The following UBALD1 variants were observed in gnomAD, a reference collection of about 807,000 sequenced individuals.
UBALD1 encodes UBA-like domain-containing protein 1.
A neutral mutation model predicts 16.1 loss-of-function variants in UBALD1; 5 were observed. The observed-to-expected ratio is 0.31, with a 90% CI of 0.16 to 0.66. The LOEUF is 0.66. UBALD1 is among the 30% of genes least tolerant of loss of function. UBALD1 has a pLI of 0.77. For synonymous variants in UBALD1, 146 were observed against 105.3 expected (o/e 1.39, Z -2.37); for missense variants, 220 against 252.8 (o/e 0.87, Z 0.88).
chr16:4,610,205 G>A (rs762097432), intron 2 of UBALD1: 1 of 711,860 alleles, frequency 1.4e-6, no homozygotes, highest in East Asian at 2.7e-5. Context: ...GGGCCACGAG[G>A]CTTTCCCAGC....
chr16:4,612,305 G>A (rs991979553), intron 1 of UBALD1, among the ~76,000 whole-genome samples: 39 of 152,076 alleles, frequency 2.6e-4, no homozygotes, highest in African/African-American at 9.2e-4. Flanking sequence ...CTCATGATCC[G>A]CCCACCTTGG....
chr16:4,614,521 G>A lies in UBALD1; in HGVS notation c.120+157C>T, dbSNP rs1481623999. On this transcript the variant is annotated intron_variant, in intron 1 of 2. Transcript: ENST00000283474. ...CGCCCGCCGCGAGCCCTTGGGATCCGGACGCCGGGCACCGCCGTCGGGAAA... is the reference window on the plus strand; with the variant it reads ...CGCCCGCCGCGAGCCCTTGGGATCCAGACGCCGGGCACCGCCGTCGGGAAA... 4.0e-6 allele frequency: 5 copies of A among 1,245,198 alleles called. No individual in the cohort carries two copies. The Admixed American group carries it at 1.2e-4, about 29-fold the overall frequency. The allele number at this position is 1,245,198 out of a possible 1,614,324, so 77.1% of individuals were successfully genotyped here.
intron 1 of UBALD1, among the ~76,000 whole-genome samples, chr16:4,613,506 T>C (rs1302911664): frequency 6.6e-6 from 1 of 151,988 alleles, no homozygotes; most frequent in Non-Finnish European, 1.5e-5. Flanking sequence ...CCCCCTGCAG[T>C]CCCCAGGAAG....
In UBALD1 at chr16:4,609,577, C is replaced by T. The variant is rs746291942; in HGVS notation, c.*56G>A. 1.9e-5 allele frequency: 15 copies of T among 772,812 alleles called. No individual in the cohort carries two copies. Among genetic ancestry groups the T allele is most frequent in the East Asian group, 3.0e-5 (1 of 33,622 alleles). 47.9% of individuals were successfully genotyped at this position (772,812 alleles called of 1,614,324 possible). ...AAGGGGTGAAGGGGGCCCGCAGAGACGTCCTCTCCCCCGCCCCACGGGGTC... is the reference window on the plus strand; with the variant it reads ...AAGGGGTGAAGGGGGCCCGCAGAGATGTCCTCTCCCCCGCCCCACGGGGTC... On this transcript the variant is annotated 3_prime_UTR_variant, in exon 3 of 3. Transcript: ENST00000283474.
intron 1 of UBALD1, among the ~76,000 whole-genome samples, chr16:4,611,742 G>C (rs1281578357): frequency 6.6e-6 from 1 of 152,232 alleles, no homozygotes; most frequent in Non-Finnish European, 1.5e-5. Context: ...AGGAGCCCCA[G>C]AGGGAGGCGC....
rs1897337889 is a variant in UBALD1 at position 4,609,963 on chromosome 16, G to A, written c.204C>T (p.Thr68=). The A allele has an allele frequency of 6.3e-7, 1 of 1,593,196 alleles. No individual in the cohort carries two copies. The highest frequency in any genetic ancestry group is 8.6e-7 in the Non-Finnish European group (1 of 1,169,106). Residue 68 remains threonine, a synonymous_variant, in exon 3 of 3, where the codon ACC becomes ACT. Transcript: ENST00000283474. ...HHQMMCTPAN[T]PATPPNFPDA... ...CAGGGAAGTTGGGGGGTGTAGCAGG[G>A]GTATTGGCGGGGGTGCACATCTGTG...
At chr16:4,610,380 G>T in intron 2 of UBALD1, 113 bp downstream of exon 2, 1 of 1,192,880 alleles carries the variant, frequency 8.4e-7, no homozygotes, top group Non-Finnish European at 1.2e-6. Context: ...CAAAGAGGTC[G>T]AGCCCCGCCT....
intron 1 of UBALD1, among the ~76,000 whole-genome samples, chr16:4,613,393 C>T (rs965080142): frequency 1.3e-5 from 2 of 152,166 alleles, no homozygotes; most frequent in Non-Finnish European, 2.9e-5. Flanking sequence ...GTGGCCTCCG[C>T]GACGGCTGGT....
intron 1 of UBALD1, chr16:4,611,230 C>G (rs935340297): frequency 6.5e-6 from 1 of 152,854 alleles, no homozygotes; most frequent in Non-Finnish European, 1.5e-5. Flanking sequence ...CAGATTCCAG[C>G]AAGCAGGGCC....
rs150448035 is a variant in UBALD1 at position 4,609,888 on chromosome 16, G to A, written c.279C>T (p.Ser93=). 7.8e-5 allele frequency: 122 copies of A among 1,568,424 alleles called. No homozygotes were observed. Among genetic ancestry groups the A allele is most frequent in the South Asian group, 5.6e-4 (48 of 85,182 alleles). The change falls in exon 3 of 3, where the codon AGC becomes AGT. Residue 93 remains serine (S), a synonymous_variant. Coordinates refer to ENST00000283474, the MANE Select transcript of UBALD1 (RefSeq NM_145253.3). ...SRLKASESFH[S]GGSGSPMAAT... Reference sequence around the variant, plus strand: ...CGGCCATCGGGCTGCCGCTGCCACCGCTGTGGAAGCTCTCGGAGGCCTTGA... The same window carrying A: ...CGGCCATCGGGCTGCCGCTGCCACCACTGTGGAAGCTCTCGGAGGCCTTGA...
At position 4,609,972 on chromosome 16, in the gene UBALD1, G is replaced by A. The variant is rs753098735; in HGVS notation, c.195C>T (p.Pro65=). Reference sequence around the variant, plus strand: ...TGGGGGGTGTAGCAGGGGTATTGGCGGGGGTGCACATCTGTGAGGGGAAGA... The same window carrying A: ...TGGGGGGTGTAGCAGGGGTATTGGCAGGGGTGCACATCTGTGAGGGGAAGA... ...SHHHHQMMCT[P]ANTPATPPNF... Residue 65 remains proline, a synonymous_variant, in exon 3 of 3, where the codon CCC becomes CCT. Coordinates refer to ENST00000283474, the MANE Select transcript of UBALD1 (RefSeq NM_145253.3). 1.0e-4 allele frequency: 159 copies of A among 1,584,528 alleles called. 1 individual carries two copies. The highest frequency in any genetic ancestry group is 1.6e-4 in the South Asian group (14 of 87,308).
chr16:4,613,128 GTA>G (rs1897378460), intron 1 of UBALD1, among the ~76,000 whole-genome samples: 1 of 152,152 alleles, frequency 6.6e-6, no homozygotes, highest in Non-Finnish European at 1.5e-5. Flanking sequence ...GTGCAGATGT[GTA>G]ACTGCCATGA....
intron 1 of UBALD1, chr16:4,614,317 G>A (rs1897394988): frequency 2.8e-6 from 1 of 362,224 alleles, no homozygotes; most frequent in Non-Finnish European, 4.9e-6. Context: ...CAGCTCTGCC[G>A]AGGCCTGGGG....
At chr16:4,613,075 CG>C (rs1897377766) in intron 1 of UBALD1, among the ~76,000 whole-genome samples, 1 of 152,130 alleles carries the variant, frequency 6.6e-6, no homozygotes, top group Non-Finnish European at 1.5e-5. Flanking sequence ...CGCTTCCCAC[CG>C]GACACCTACC....
Position 4,609,785 on chromosome 16 carries a change from C to G in UBALD1, c.382G>C (p.Ala128Pro). The change falls in exon 3 of 3, where the codon GCC becomes CCC. Residue 128 changes from alanine (A) to proline (P), a missense_variant. Physicochemically the swap from Ala to Pro is conservative, Grantham distance 27. This residue lies in a region of UBALD1 where 151 missense variants were observed against 132.6 expected (regional missense o/e 1.14). Coordinates refer to ENST00000283474, the MANE Select transcript of UBALD1 (RefSeq NM_145253.3). ...SSAASSWPTA[A>P]SPPGGPQHHQ... ...TGCTGTGGGCCCCCCGGGGGCGAGG[C>G]CGCCGTGGGCCAGCTGGAGGCCGCA... is the stretch of plus-strand genomic sequence containing the variant. The G allele has an allele frequency of 6.7e-7, 1 of 1,496,024 alleles. No individual in the cohort carries two copies. The highest frequency in any genetic ancestry group is 1.4e-5 in the African/African-American group (1 of 70,446). 92.7% of individuals were successfully genotyped at this position (1,496,024 alleles called of 1,614,324 possible). A position where few individuals can be genotyped will look rare whatever the true frequency, so the allele number is the denominator to read the frequency against.
intron 1 of UBALD1, among the ~76,000 whole-genome samples, chr16:4,612,824 G>A (rs1024893208): frequency 6.6e-6 from 1 of 152,098 alleles, no homozygotes; most frequent in East Asian, 1.9e-4. Flanking sequence ...CTCCCTGGCG[G>A]CCCCCACTTT....
chr16:4,610,698 G>A, intron 1 of UBALD1, 143 bp from the exon 2 acceptor site: 1 of 876,840 alleles, frequency 1.1e-6, no homozygotes, highest in Non-Finnish European at 1.7e-6. Flanking sequence ...GAGGCTCAGT[G>A]GCTTGCCTGT....
chr16:4,609,588 C>A lies in UBALD1; in HGVS notation c.*45G>T. 1.1e-6 allele frequency: 1 copy of A among 895,198 alleles called. No homozygotes were observed. 55.5% of individuals were successfully genotyped at this position (895,198 alleles called of 1,614,324 possible). A position where few individuals can be genotyped will look rare whatever the true frequency, so the allele number is the denominator to read the frequency against. ...GGGGCCCGCAGAGACGTCCTCTCCC[C>A]CGCCCCACGGGGTCCTGGCCTCCGG... On this transcript the variant is annotated 3_prime_UTR_variant, in exon 3 of 3. Coordinates refer to ENST00000283474, the MANE Select transcript of UBALD1 (RefSeq NM_145253.3).
Position 4,614,782 on chromosome 16 carries a change from C to T in UBALD1, c.16G>A (p.Asp6Asn). The T allele has an allele frequency of 6.5e-7, 1 of 1,528,148 alleles. No homozygotes were observed. The highest frequency in any genetic ancestry group is 1.2e-5 in the South Asian group (1 of 81,512). The allele number at this position is 1,528,148 out of a possible 1,614,324, so 94.7% of individuals were successfully genotyped here. MSVNM[D>N]ELKHQVMINQ... is the part of the protein sequence containing the mutation. ...ATCATGACCTGGTGCTTGAGCTCGT[C>T]CATGTTCACGGACATGGCGCCGCCG... is the stretch of plus-strand genomic sequence containing the variant. Residue 6 changes from aspartate to asparagine, a missense_variant, in exon 1 of 3, where the codon GAC becomes AAC. Physicochemically the swap from Asp to Asn is conservative, Grantham distance 23 (BLOSUM62 1). Coordinates refer to ENST00000283474, the MANE Select transcript of UBALD1 (RefSeq NM_145253.3).
Sources: allele counts gnomAD v4.1 joint callset (sites outside exome capture counted in the v4.1 genomes callset), GRCh38; gene constraint gnomAD v4.1.1; regional missense constraint gnomAD v4.1.1; transcripts MANE v1.5; gene names NCBI Gene and HGNC (gene_info 2026-07-23, HGNC 2026-07-21).